Variants in SLC8A1 observed in about 807,000 individuals in gnomAD.
SLC8A1 encodes the protein sodium/calcium exchanger 1.
SLC8A1 carries 18 observed loss-of-function variants against 68.3 expected under a neutral mutation model. That is an observed-to-expected ratio of 0.26 (90% CI 0.18 to 0.39). SLC8A1 has a LOEUF of 0.39. SLC8A1 is among the 10% of genes least tolerant of loss of function. The probability of loss-of-function intolerance (pLI) is 1.00; values close to 1 mark genes in which losing one functional copy is unlikely to be tolerated. For missense variants in SLC8A1, 985 were observed against 1,156.7 expected (o/e 0.85, Z 2.15); for synonymous variants, 475 against 415.5 (o/e 1.14, Z -1.74).
At chr2:40,163,688 AC>A (rs1328942342) in intron 5 of SLC8A1, among the ~76,000 whole-genome samples, 1 of 151,690 alleles carries the variant, frequency 6.6e-6, no homozygotes, top group African/African-American at 2.4e-5. Context: ...TTACCCCCGG[AC>A]CCCCTCCTCC....
intron 2 of SLC8A1, among the ~76,000 whole-genome samples, chr2:40,253,013 C>A (rs1300628976): frequency 7.6e-5 from 9 of 117,984 alleles, no homozygotes; most frequent in Admixed American, 9.4e-5. Flanking sequence ...ATATATGTAT[C>A]TGTATATATG....
At chr2:40,392,401 A>G (rs549110065) in intron 2 of SLC8A1, among the ~76,000 whole-genome samples, 2 of 152,096 alleles carry the variant, frequency 1.3e-5, no homozygotes, top group Admixed American at 6.6e-5. Flanking sequence ...CTCTATTCCT[A>G]AAGATTTTCA....
At chr2:40,343,778 G>A (rs544274936) in intron 2 of SLC8A1, among the ~76,000 whole-genome samples, 1 of 152,164 alleles carries the variant, frequency 6.6e-6, no homozygotes, top group South Asian at 2.1e-4. Flanking sequence ...AATTACATTG[G>A]GAAATGTATT....
chr2:40,134,184 C>T (rs893426721), intron 7 of SLC8A1, among the ~76,000 whole-genome samples: 18 of 152,012 alleles, frequency 1.2e-4, no homozygotes, highest in Middle Eastern at 3.4e-3. Context: ...CTCCGCCTCC[C>T]GGGTTCAAGC....
intron 1 of SLC8A1, among the ~76,000 whole-genome samples, chr2:40,506,675 T>C (rs1706391397): frequency 6.8e-6 from 1 of 146,334 alleles, no homozygotes; most frequent in African/African-American, 2.6e-5. Flanking sequence ...TTCAATTTTG[T>C]GTTTAAATCT....
At chr2:40,381,965 G>C (rs73926643) in intron 2 of SLC8A1, among the ~76,000 whole-genome samples, 1 of 151,894 alleles carries the variant, frequency 6.6e-6, no homozygotes, top group Non-Finnish European at 1.5e-5. Flanking sequence ...CAGGAGGATG[G>C]ATTTGAGACT....
At chr2:40,101,952 G>T (rs2033917037) in exon 8 of SLC8A1, 1 of 152,074 alleles carries the variant, frequency 6.6e-6, no homozygotes, top group Non-Finnish European at 1.5e-5. Context: ...ACAAACTTGA[G>T]ACTCACAAAA....
intron 2 of SLC8A1, among the ~76,000 whole-genome samples, chr2:40,373,716 T>C (rs1678898484): frequency 6.6e-6 from 1 of 152,060 alleles, no homozygotes; most frequent in Admixed American, 6.6e-5. Flanking sequence ...TCCCACTTTT[T>C]CCTTCCTACA....
intron 2 of SLC8A1, among the ~76,000 whole-genome samples, chr2:40,413,072 G>C (rs1692683112): frequency 1.3e-5 from 2 of 152,100 alleles, no homozygotes; most frequent in East Asian, 3.9e-4. Flanking sequence ...ACACCAGTTA[G>C]AATGGCGATC....
chr2:40,299,366 T>C (rs769222240), intron 2 of SLC8A1, among the ~76,000 whole-genome samples: 5 of 152,158 alleles, frequency 3.3e-5, no homozygotes, highest in Non-Finnish European at 4.4e-5. Flanking sequence ...AGTCACAAGA[T>C]TGCACTGTCA....
At chr2:40,396,819 T>C (rs1289609697) in intron 2 of SLC8A1, among the ~76,000 whole-genome samples, 1 of 145,408 alleles carries the variant, frequency 6.9e-6, no homozygotes, top group African/African-American at 2.6e-5. Context: ...GAAACTGTAG[T>C]TGCTGTATCA....
intron 6 of SLC8A1, among the ~76,000 whole-genome samples, chr2:40,145,150 A>G (rs772994355): frequency 2.6e-5 from 4 of 151,786 alleles, no homozygotes; most frequent in Admixed American, 1.3e-4. Flanking sequence ...TTTCAAACAT[A>G]TATATTTTCC....
chr2:40,383,222 C>A (rs1030979952), intron 2 of SLC8A1, among the ~76,000 whole-genome samples: 1 of 152,070 alleles, frequency 6.6e-6, no homozygotes, highest in Non-Finnish European at 1.5e-5. Context: ...GAATTTTTCA[C>A]ATTTTTTTGA....
intron 2 of SLC8A1, among the ~76,000 whole-genome samples, chr2:40,238,664 G>C (rs1237992556): frequency 6.6e-6 from 1 of 152,152 alleles, no homozygotes; most frequent in African/African-American, 2.4e-5. Flanking sequence ...TATTCCCCAA[G>C]CTAGAGCTAT....
chr2:40,442,397 CAAAAAAA>C (rs550977492), intron 1 of SLC8A1, among the ~76,000 whole-genome samples: 1 of 75,744 alleles, frequency 1.3e-5, no homozygotes, highest in Non-Finnish European at 2.7e-5. Flanking sequence ...CTTAAATTTA[CAAAAAAA>C]AAAAAAAAGA....
rs192810879 is a variant in SLC8A1, at chr2:40,166,799, T to C, written c.1931-1815A>G. Among the ~76,000 whole-genome samples, 123 of 152,352 alleles carry C rather than the reference T, an allele frequency of 8.1e-4. 2 individuals carry two copies. Among genetic ancestry groups the C allele is most frequent in the Non-Finnish European group, 2.8e-4 (19 of 68,026 alleles). ...TAGTAGTTTTCATAGCAGTAGTTTA[T>C]GCTAGCATCTTTGTTTGAAACTTTG... On this transcript the variant is annotated intron_variant, in intron 4 of 7. Coordinates refer to ENST00000406785, the Ensembl canonical transcript of SLC8A1.
intron 2 of SLC8A1, among the ~76,000 whole-genome samples, chr2:40,205,304 A>G (rs1479532769): frequency 3.3e-5 from 5 of 152,032 alleles, no homozygotes; most frequent in African/African-American, 1.2e-4. Flanking sequence ...TAGGGGCAAA[A>G]TAAGGCCCTC....
intron 2 of SLC8A1, among the ~76,000 whole-genome samples, chr2:40,351,973 A>G (rs1041132410): frequency 2.0e-5 from 3 of 152,200 alleles, no homozygotes; most frequent in Non-Finnish European, 2.9e-5. Flanking sequence ...AAAGAATCCA[A>G]ATCTTATCCA....
At chr2:40,164,603 C>G (rs1485699644) in intron 5 of SLC8A1, among the ~76,000 whole-genome samples, 1 of 152,170 alleles carries the variant, frequency 6.6e-6, no homozygotes, top group Non-Finnish European at 1.5e-5. Flanking sequence ...TTTGGGGCAC[C>G]TCTGACCTTG....
Sources: allele counts gnomAD v4.1 joint callset (sites outside exome capture counted in the v4.1 genomes callset), GRCh38; gene constraint gnomAD v4.1.1; transcripts MANE v1.5; gene names NCBI Gene and HGNC (gene_info 2026-07-23, HGNC 2026-07-21).